FHIT: variants seen among roughly 807,000 people sequenced by gnomAD.
FHIT encodes the protein fragile histidine triad diadenosine triphosphatase, also known as bis(5'-adenosyl)-triphosphatase.
A neutral mutation model predicts 17.9 loss-of-function variants in FHIT; 19 were observed. The ratio of observed to expected loss-of-function variants is 1.06; its 90% confidence interval spans 0.74 to 1.56. FHIT has a LOEUF of 1.56. FHIT is among the 40% of genes most tolerant of loss of function. The pLI is 0.00. For synonymous variants in FHIT, 81 were observed against 69.7 expected (o/e 1.16, Z -0.81); for missense variants, 248 against 189.2 (o/e 1.31, Z -1.82).
chr3:60,569,309 A>G (rs1486875735), intron 4 of FHIT, among the ~76,000 whole-genome samples: 1 of 152,104 alleles, frequency 6.6e-6, no homozygotes, highest in East Asian at 1.9e-4. Context: ...TGGCCACCAA[A>G]GGACACTGGC....
chr3:59,871,356 T>C (rs1190342262), intron 8 of FHIT, among the ~76,000 whole-genome samples: 2 of 152,156 alleles, frequency 1.3e-5, no homozygotes, highest in Non-Finnish European at 2.9e-5. Context: ...TAATAACTAA[T>C]ATTTGTAAGA....
intron 4 of FHIT, among the ~76,000 whole-genome samples, chr3:60,768,107 C>A (rs1252696614): frequency 2.0e-5 from 3 of 152,292 alleles, no homozygotes; most frequent in Non-Finnish European, 4.4e-5. Context: ...TAACCCCACT[C>A]AAGGTGAGTA....
At chr3:60,943,609 GC>G (rs1184769897) in intron 3 of FHIT, among the ~76,000 whole-genome samples, 3 of 152,076 alleles carry the variant, frequency 2.0e-5, no homozygotes, top group African/African-American at 7.2e-5. Flanking sequence ...TTGTATATTG[GC>G]TTTGATTACT....
intron 8 of FHIT, among the ~76,000 whole-genome samples, chr3:59,756,210 C>T (rs1701210147): frequency 1.3e-5 from 2 of 152,032 alleles, no homozygotes; most frequent in South Asian, 2.1e-4. Context: ...ATCTTTTGGA[C>T]CTAACTAACT....
chr3:60,071,226 T>C (rs183994532), intron 5 of FHIT, among the ~76,000 whole-genome samples: 56 of 152,280 alleles, frequency 3.7e-4, no homozygotes, highest in Non-Finnish European at 3.8e-4. Flanking sequence ...ACAACCCAGA[T>C]TTCAAACACT....
At chr3:60,272,227 A>G (rs1706898946) in intron 5 of FHIT, among the ~76,000 whole-genome samples, 1 of 152,234 alleles carries the variant, frequency 6.6e-6, no homozygotes, top group Admixed American at 6.5e-5. Flanking sequence ...GTATTTATAC[A>G]ATTAACTCCA....
chr3:60,781,484 A>T (rs11915581), intron 4 of FHIT, among the ~76,000 whole-genome samples: 1,717 of 49,720 alleles, frequency 0.035, 27 homozygotes, highest in African/African-American at 0.17. Context: ...TTAATATTTT[A>T]AAAAAAATAG....
chr3:60,477,172 C>A (rs1433080797), intron 5 of FHIT, among the ~76,000 whole-genome samples: 8 of 151,700 alleles, frequency 5.3e-5, no homozygotes, highest in Admixed American at 1.3e-4. Flanking sequence ...GAAGGAGGAA[C>A]AATTTTAACT....
chr3:60,612,209 T>G lies in FHIT; in HGVS notation c.-17-75230A>C, dbSNP rs79816749. Among the ~76,000 whole-genome samples, 1,502 of 152,308 alleles carry G rather than the reference T, an allele frequency of 9.9e-3. 32 individuals carry two copies. The highest frequency in any genetic ancestry group is 0.035 in the African/African-American group (1,443 of 41,556). ...CTTTATACAAAAGAAAAATGAGTCA[T>G]GAGCTAACTGTGAAACTCTCAATAA... On this transcript the variant is annotated intron_variant, in intron 4 of 9. Coordinates refer to ENST00000492590, the MANE Select transcript of FHIT (RefSeq NM_002012.4).
chr3:59,959,916 A>C (rs1707585543), intron 7 of FHIT, among the ~76,000 whole-genome samples: 2 of 152,214 alleles, frequency 1.3e-5, no homozygotes, highest in South Asian at 4.1e-4. Context: ...ATGGGGCTAG[A>C]GAACTAATAA....
At chr3:60,700,000 G>T (rs1448268298) in intron 4 of FHIT, among the ~76,000 whole-genome samples, 1 of 151,636 alleles carries the variant, frequency 6.6e-6, no homozygotes, top group African/African-American at 2.4e-5. Context: ...GGTGTGGGGT[G>T]CATGCCTGTA....
intron 5 of FHIT, among the ~76,000 whole-genome samples, chr3:60,401,249 T>C (rs1701646064): frequency 6.6e-6 from 1 of 152,214 alleles, no homozygotes; most frequent in Admixed American, 6.5e-5. Context: ...TCCATATACA[T>C]GTGATCTCCA....
At chr3:59,792,603 G>A (rs2106935518) in intron 8 of FHIT, among the ~76,000 whole-genome samples, 1 of 152,210 alleles carries the variant, frequency 6.6e-6, no homozygotes, top group East Asian at 1.9e-4. Flanking sequence ...GCCTCACAAA[G>A]ATTTGATGAC....
chr3:59,944,428 C>T (rs947119511), intron 7 of FHIT, among the ~76,000 whole-genome samples: 4 of 152,210 alleles, frequency 2.6e-5, no homozygotes, highest in Non-Finnish European at 5.9e-5. Flanking sequence ...AACCCCACAA[C>T]CACTAATCTG....
chr3:60,520,320 A>G (rs1280433004), intron 5 of FHIT, among the ~76,000 whole-genome samples: 2 of 152,250 alleles, frequency 1.3e-5, no homozygotes, highest in African/African-American at 4.8e-5. Flanking sequence ...GTGGACCCAC[A>G]CATTTCAAAC....
At chr3:60,622,451 G>A (rs1424746167) in intron 4 of FHIT, among the ~76,000 whole-genome samples, 1 of 152,048 alleles carries the variant, frequency 6.6e-6, no homozygotes. Context: ...ACACTTAAGA[G>A]AGAGAAAGGC....
At chr3:60,016,073 T>C (rs1323726615) in intron 5 of FHIT, among the ~76,000 whole-genome samples, 1 of 152,206 alleles carries the variant, frequency 6.6e-6, no homozygotes, top group Non-Finnish European at 1.5e-5. Flanking sequence ...GTAAATTCCA[T>C]ATTATACATA....
At chr3:60,329,257 T>C (rs904857444) in intron 5 of FHIT, among the ~76,000 whole-genome samples, 1 of 152,160 alleles carries the variant, frequency 6.6e-6, no homozygotes, top group Admixed American at 6.6e-5. Flanking sequence ...TCGAAGCTTT[T>C]GTGATCACTG....
chr3:60,549,202 T>C (rs867384649), intron 4 of FHIT, among the ~76,000 whole-genome samples: 35 of 152,320 alleles, frequency 2.3e-4, no homozygotes, highest in Middle Eastern at 3.4e-3. Context: ...TGGTATGTAA[T>C]GGTTACATAA....
Sources: allele counts gnomAD v4.1 joint callset (sites outside exome capture counted in the v4.1 genomes callset), GRCh38; gene constraint gnomAD v4.1.1; transcripts MANE v1.5; gene names NCBI Gene and HGNC (gene_info 2026-07-23, HGNC 2026-07-21).